ZNF618: variants seen among roughly 807,000 people sequenced by gnomAD.
ZNF618 encodes the protein neural precursor cell expressed, developmentally down-regulated 10.
ZNF618 carries 34 observed loss-of-function variants against 103.0 expected under a neutral mutation model. The ratio of observed to expected loss-of-function variants is 0.33; its 90% CI spans 0.25 to 0.44. ZNF618 has a LOEUF of 0.44. Among genes scored for constraint, ZNF618 ranks in the 20% least tolerant of loss-of-function variants. ZNF618 has a pLI of 1.00. For missense variants in ZNF618, 1,059 were observed against 1,295.4 expected (o/e 0.82, Z 2.80); for synonymous variants, 551 against 542.2 (o/e 1.02, Z -0.23).
intron 10 of ZNF618, among the ~76,000 whole-genome samples, chr9:114,018,640 G>C (rs561652875): frequency 1.6e-4 from 24 of 152,356 alleles, no homozygotes; most frequent in African/African-American, 5.8e-4. Context: ...TGGTAAAGCA[G>C]AAAGGGGTGT....
At chr9:113,985,615 C>G (rs1839402108) in intron 2 of ZNF618, among the ~76,000 whole-genome samples, 1 of 152,202 alleles carries the variant, frequency 6.6e-6, no homozygotes, top group African/African-American at 2.4e-5. Context: ...TCCTGCTCAC[C>G]CACGAGCATC....
chr9:113,990,857 T>C lies in ZNF618; in HGVS notation c.337+2277T>C, dbSNP rs1433313402. On this transcript the variant is annotated intron_variant, in intron 3 of 14. Coordinates refer to ENST00000374126, the MANE Select transcript of ZNF618 (RefSeq NM_001318042.2). ...CCAGTGTGGAATGAGAGAGTGAGTC[T>C]TTTCAGGGGCCTGCGCTGACGTTTC... is the stretch of plus-strand genomic sequence containing the variant. Among the ~76,000 whole-genome samples the C allele has an allele frequency of 2.6e-5, 4 of 152,238 alleles. No homozygotes were observed. The East Asian group carries it at 5.8e-4, about 22-fold the overall frequency.
intron 1 of ZNF618, among the ~76,000 whole-genome samples, chr9:113,913,053 T>C (rs1831704003): frequency 6.6e-6 from 1 of 152,034 alleles, no homozygotes; most frequent in Admixed American, 6.6e-5. Context: ...TCAGGGCAAG[T>C]GATCTATAAG....
chr9:114,001,922 G>T, intron 4 of ZNF618, 74 bp from the exon 5 acceptor site: 2 of 1,267,572 alleles, frequency 1.6e-6, no homozygotes, highest in Non-Finnish European at 2.3e-6. Context: ...ACACTTGTAG[G>T]CATCGCCTGT....
chr9:113,997,992 T>C (rs1363256486), intron 3 of ZNF618, among the ~76,000 whole-genome samples: 1 of 152,224 alleles, frequency 6.6e-6, no homozygotes, highest in Non-Finnish European at 1.5e-5. Context: ...AGAAATTGTG[T>C]GTTCTAACCA....
Position 114,049,905 on chromosome 9 carries a change from G to A in ZNF618, c.2603G>A (p.Arg868Gln), listed in dbSNP as rs369657843. 30 of 1,613,904 alleles carry A rather than the reference G, an allele frequency of 1.9e-5. No individual in the cohort carries two copies. The highest frequency in any genetic ancestry group is 1.2e-4 in the South Asian group (11 of 91,084). The change falls in exon 15 of 15, where the codon CGG becomes CAG. Residue 868 changes from arginine to glutamine, a missense_variant. Transcript: ENST00000374126. ...AACCCCGCAGCTCAGGAAGATGATCGGCTAGGCAAAAATGAAGTGTACGAT... is the reference window on the plus strand; with the variant it reads ...AACCCCGCAGCTCAGGAAGATGATCAGCTAGGCAAAAATGAAGTGTACGAT... ...VENPAAQEDDRLGKNEVYDYL... is the reference protein window; with the variant it reads ...VENPAAQEDDQLGKNEVYDYL...
intron 1 of ZNF618, among the ~76,000 whole-genome samples, chr9:113,884,774 C>CAG (rs3034065): frequency 0.051 from 7,312 of 142,060 alleles, 213 homozygotes; most frequent in Non-Finnish European, 0.073. Flanking sequence ...CACAAACACA[C>CAG]AGAGAGAGAG....
chr9:113,969,056 A>C (rs1213743483), intron 1 of ZNF618, 61 bp from the exon 2 acceptor site: 1 of 1,594,616 alleles, frequency 6.3e-7, no homozygotes, highest in Non-Finnish European at 8.6e-7. Context: ...ATGGGGTGGC[A>C]GCAGGTCAAA....
chr9:113,931,229 A>G (rs1305553571), intron 1 of ZNF618, among the ~76,000 whole-genome samples: 3 of 152,188 alleles, frequency 2.0e-5, no homozygotes, highest in Non-Finnish European at 4.4e-5. Flanking sequence ...ATAAGCATGG[A>G]ACACCTGCTG....
intron 3 of ZNF618, among the ~76,000 whole-genome samples, chr9:113,993,710 A>G (rs6478050): frequency 0.59 from 89,758 of 152,012 alleles, 26,979 homozygotes; most frequent in Middle Eastern, 0.73. Context: ...GGAATGAGTG[A>G]CCCAGACTTG....
chr9:114,008,992 G>A (rs1588323131), intron 9 of ZNF618, among the ~76,000 whole-genome samples: 1 of 152,212 alleles, frequency 6.6e-6, no homozygotes, highest in African/African-American at 2.4e-5. Context: ...ACCTGAAGGG[G>A]CCTATCAGTG....
intron 1 of ZNF618, among the ~76,000 whole-genome samples, chr9:113,925,923 A>G (rs1833045494): frequency 6.6e-6 from 1 of 152,182 alleles, no homozygotes; most frequent in Non-Finnish European, 1.5e-5. Context: ...AATGAGAAAA[A>G]TAAAAGATTT....
chr9:113,906,392 G>T (rs1456014292), intron 1 of ZNF618, among the ~76,000 whole-genome samples: 1 of 152,112 alleles, frequency 6.6e-6, no homozygotes, highest in East Asian at 1.9e-4. Context: ...GGTTTCTGAT[G>T]GGCATTTCGC....
intron 9 of ZNF618, among the ~76,000 whole-genome samples, chr9:114,013,916 G>A (rs1261558806): frequency 2.0e-5 from 3 of 152,190 alleles, no homozygotes; most frequent in Non-Finnish European, 4.4e-5. Context: ...AAGCTATGTT[G>A]TAACAGTCTT....
In ZNF618 at chr9:113,958,307, C is replaced by G. The variant is rs149712807; in HGVS notation, c.34-10810C>G. On this transcript the variant is annotated intron_variant, in intron 1 of 14. Transcript: ENST00000374126. ...GACCCAGCATGCCTCTAAGTCCTCCCCTGCACATGGGGACTGGTGACATCC... is the reference window on the plus strand; with the variant it reads ...GACCCAGCATGCCTCTAAGTCCTCCGCTGCACATGGGGACTGGTGACATCC... Among the ~76,000 whole-genome samples the G allele has an allele frequency of 4.2e-3, 638 of 152,180 alleles. 5 individuals carry two copies. The highest frequency in any genetic ancestry group is 0.015 in the African/African-American group (608 of 41,514).
intron 1 of ZNF618, among the ~76,000 whole-genome samples, chr9:113,929,970 T>C (rs529546630): frequency 6.6e-6 from 1 of 152,336 alleles, no homozygotes; most frequent in Non-Finnish European, 1.5e-5. Context: ...CTTGGCTTTT[T>C]CCCCCATGAT....
intron 1 of ZNF618, among the ~76,000 whole-genome samples, chr9:113,921,446 C>CT (rs1832634143): frequency 6.6e-6 from 1 of 152,230 alleles, no homozygotes. Context: ...ACATGTTAGG[C>CT]TGAGGGTGTT....
rs749919394 is a variant in ZNF618 at position 114,028,877 on chromosome 9, G to T, written c.989G>T (p.Arg330Leu). ...AAAAAAGCTCCGGCCTCCGTGGTCC[G>T]ATGTGCCACCCTCTTACACCGCACC... The part of the protein sequence containing the change: ...SGKKAPASVV[R>L]CATLLHRTPP... The change falls in exon 11 of 15, where the codon CGA becomes CTA. Residue 330 changes from arginine to leucine, a missense_variant. By Grantham distance (102) the Arg-to-Leu change is moderately radical (BLOSUM62 -2). Around this residue, in one of 6 missense-constraint regions of ZNF618, gnomAD observed 434 missense variants for 476.0 expected, o/e 0.91. Transcript: ENST00000374126. 3 of 1,550,598 alleles carry T rather than the reference G, an allele frequency of 1.9e-6. No individual in the cohort carries two copies. The highest frequency in any genetic ancestry group is 2.4e-5 in the East Asian group (1 of 40,906).
chr9:114,025,090 T>C (rs1165544833), intron 10 of ZNF618, among the ~76,000 whole-genome samples: 4 of 152,320 alleles, frequency 2.6e-5, no homozygotes, highest in African/African-American at 9.6e-5. Flanking sequence ...TAGTTGAATA[T>C]GGCAGGAAGC....
Sources: allele counts gnomAD v4.1 joint callset (sites outside exome capture counted in the v4.1 genomes callset), GRCh38; gene constraint gnomAD v4.1.1; regional missense constraint gnomAD v4.1.1; transcripts MANE v1.5; gene names NCBI Gene and HGNC (gene_info 2026-07-23, HGNC 2026-07-21).